The following ABCB4 variants were observed in gnomAD, a reference collection of about 807,000 sequenced individuals.
ABCB4 encodes the protein phosphatidylcholine translocator ABCB4.
Under a neutral mutation model 145.7 loss-of-function variants are expected in ABCB4, and 76 were observed. The observed-to-expected ratio is 0.52, with a 90% CI of 0.43 to 0.63. The LOEUF (loss-of-function observed/expected upper bound fraction) is 0.63. Among genes scored for constraint, ABCB4 ranks in the 30% least tolerant of loss-of-function variants. The pLI, the probability that ABCB4 is intolerant of heterozygous loss-of-function variation, is 0.00. For missense variants in ABCB4, 1,234 were observed against 1,553.1 expected, an observed-to-expected ratio of 0.79 and a Z score of 3.45; for synonymous variants, 517 against 566.8, an observed-to-expected ratio of 0.91 and a Z score of 1.25.
At chr7:87,371,965 G>T in the ABCB4 span, among the ~76,000 whole-genome samples, 4 of 142,972 alleles carry the variant, frequency 2.8e-5, no homozygotes, top group African/African-American at 1.1e-4. Context: ...CTGCACTCCA[G>T]CCTGGGTGAC....
the ABCB4 span, among the ~76,000 whole-genome samples, chr7:87,372,938 T>C: frequency 4.6e-5 from 7 of 152,318 alleles, no homozygotes; most frequent in Non-Finnish European, 1.0e-4. Flanking sequence ...CTGCCGTGAC[T>C]ATTGTATACA....
At chr7:87,443,925 G>A (rs967890473) in intron 10 of ABCB4, 152 bp from the exon 11 acceptor site, 1 of 669,520 alleles carries the variant, frequency 1.5e-6, no homozygotes, top group Non-Finnish European at 2.7e-6. Context: ...GTGTGTATAT[G>A]TATGTGTGCT....
At chr7:87,375,692 A>G in the ABCB4 span, 3 of 1,613,468 alleles carry the variant, frequency 1.9e-6, no homozygotes, top group Non-Finnish European at 1.7e-6. Flanking sequence ...GGATTGCAGC[A>G]TTAACTAGTG....
intron 25 of ABCB4, 150 bp from the exon 26 acceptor site, chr7:87,406,644 G>A (rs1304597588): frequency 1.1e-5 from 9 of 807,428 alleles, no homozygotes; most frequent in Non-Finnish European, 1.8e-5. Flanking sequence ...ATTGAGGCCA[G>A]CATGGCCAAC....
chr7:87,472,439 G>A (rs1203596878), intron 3 of ABCB4, among the ~76,000 whole-genome samples, 182 bp downstream of exon 3: 1 of 152,026 alleles, frequency 6.6e-6, no homozygotes, highest in African/African-American at 2.4e-5. Flanking sequence ...GTCCAGGCTG[G>A]TCTCAAACTC....
chr7:87,463,385 C>G (rs1324612089), intron 3 of ABCB4, among the ~76,000 whole-genome samples: 1 of 152,128 alleles, frequency 6.6e-6, no homozygotes, highest in Non-Finnish European at 1.5e-5. Context: ...TTTAAGTTAG[C>G]TTTAAAAAGG....
At position 87,401,787 on chromosome 7, in the gene ABCB4, C is replaced by A. The variant is rs113951375; in HGVS notation, c.*309G>T. On this transcript the variant is annotated 3_prime_UTR_variant, in exon 28 of 28. Coordinates refer to ENST00000649586, the MANE Select transcript of ABCB4 (RefSeq NM_000443.4). ...CCCAACCCATTCAGGACCATAAGAC[C>A]ATTTCCCTATGTCTGTGGCTTCTAT... 1 of 449,756 alleles carries A rather than the reference C, an allele frequency of 2.2e-6. No individual in the cohort carries two copies. The highest frequency in any genetic ancestry group is 2.0e-5 in the African/African-American group (1 of 50,074). 27.9% of individuals were successfully genotyped at this position (449,756 alleles called of 1,614,324 possible).
intron 14 of ABCB4, among the ~76,000 whole-genome samples, chr7:87,432,827 G>A (rs180691823): frequency 2.2e-4 from 34 of 152,106 alleles, no homozygotes; most frequent in Non-Finnish European, 3.4e-4. Flanking sequence ...TAAAAACCCC[G>A]GAATTGTATA....
chr7:87,422,294 A>G (rs1809498984), intron 17 of ABCB4, 69 bp from the exon 18 acceptor site: 1 of 1,181,246 alleles, frequency 8.5e-7, no homozygotes, highest in African/African-American at 1.5e-5. Flanking sequence ...TCTCATAAAT[A>G]GTGGCTTGAG....
rs199522399 is a variant in ABCB4, at chr7:87,425,890, A to AAAAT, written c.2064+856_2064+859dup. ...GACCCTGTCTCAAAAAATAAAATTAAAAATAAATAAATAAATAAAATTATT... is the reference window on the plus strand; with the variant it reads ...GACCCTGTCTCAAAAAATAAAATTAAAAATAAATAAATAAATAAATAAAATTATT... On this transcript the variant is annotated intron_variant, in intron 16 of 27. Coordinates refer to ENST00000649586, the MANE Select transcript of ABCB4 (RefSeq NM_000443.4). Among the ~76,000 whole-genome samples, 34 of 152,196 alleles carry AAAAT rather than the reference A, an allele frequency of 2.2e-4. 1 individual carries two copies. The East Asian group carries it at 6.4e-3, about 29-fold the overall frequency.
the ABCB4 span, among the ~76,000 whole-genome samples, chr7:87,393,325 C>G: frequency 6.6e-6 from 1 of 152,082 alleles, no homozygotes; most frequent in Non-Finnish European, 1.5e-5. Context: ...ATATCATCAT[C>G]CTCAAAATCA....
intron 4 of ABCB4, among the ~76,000 whole-genome samples, chr7:87,460,079 C>G (rs1812350573): frequency 6.6e-6 from 1 of 151,996 alleles, no homozygotes; most frequent in South Asian, 2.1e-4. Context: ...CCTATACAGT[C>G]ATTGTCCTGC....
chr7:87,376,378 A>G, the ABCB4 span, among the ~76,000 whole-genome samples: 1 of 152,056 alleles, frequency 6.6e-6, no homozygotes, highest in Non-Finnish European at 1.5e-5. Context: ...CACCCTTGTA[A>G]GTCATTTATT....
At chr7:87,474,412 A>G (rs922843322) in intron 2 of ABCB4, among the ~76,000 whole-genome samples, 2 of 152,234 alleles carry the variant, frequency 1.3e-5, no homozygotes, top group Non-Finnish European at 1.5e-5. Flanking sequence ...CTTAGAAGAA[A>G]TACAGCAAGG....
At chr7:87,388,778 GATCTAATTAA>G in the ABCB4 span, among the ~76,000 whole-genome samples, 16 of 152,132 alleles carry the variant, frequency 1.1e-4, no homozygotes, top group Non-Finnish European at 2.2e-4. Context: ...TGACAAATGG[GATCTAATTAA>G]ACTAAAGAGC....
At chr7:87,434,750 A>AC (rs1345797728) in intron 14 of ABCB4, among the ~76,000 whole-genome samples, 1 of 152,110 alleles carries the variant, frequency 6.6e-6, no homozygotes, top group Non-Finnish European at 1.5e-5. Context: ...CCGTCTCAAA[A>AC]AAAAAATTAT....
intron 4 of ABCB4, among the ~76,000 whole-genome samples, chr7:87,456,877 T>C (rs549826986): frequency 3.6e-4 from 54 of 151,900 alleles, no homozygotes; most frequent in Non-Finnish European, 7.1e-4. Context: ...ACTAAACATA[T>C]GTTGGTGTGT....
intron 15 of ABCB4, among the ~76,000 whole-genome samples, chr7:87,428,246 G>T (rs1486293409): frequency 6.6e-6 from 1 of 152,052 alleles, no homozygotes; most frequent in Non-Finnish European, 1.5e-5. Flanking sequence ...TTTTTTCTGT[G>T]CCTTACCTAA....
At chr7:87,424,138 C>T in intron 16 of ABCB4, 86 bp from the exon 17 acceptor site, 2 of 1,560,472 alleles carry the variant, frequency 1.3e-6, no homozygotes, top group African/African-American at 2.7e-5. Context: ...GGCCATTGCC[C>T]TCAAGGGACT....
Sources: allele counts gnomAD v4.1 joint callset (sites outside exome capture counted in the v4.1 genomes callset), GRCh38; gene constraint gnomAD v4.1.1; transcripts MANE v1.5; gene names NCBI Gene and HGNC (gene_info 2026-07-23, HGNC 2026-07-21).